Variants in SEC31A observed in about 807,000 individuals in gnomAD.
SEC31A encodes the protein SEC31 homolog A, COPII component, also known as protein transport protein Sec31A.
SEC31A carries 70 observed loss-of-function variants against 151.0 expected under a neutral mutation model. That is an observed-to-expected ratio of 0.46 (90% CI 0.38 to 0.57). The LOEUF is 0.57. Among genes scored for constraint, SEC31A ranks in the 20% least tolerant of loss-of-function variants. The probability of loss-of-function intolerance (pLI) is 0.00; values close to 1 mark genes in which losing one functional copy is unlikely to be tolerated. For missense variants in SEC31A, 1,330 were observed against 1,471.2 expected (o/e 0.90, Z 1.57); for synonymous variants, 475 against 505.9 (o/e 0.94, Z 0.82).
In SEC31A at chr4:82,839,332, G is replaced by A. The variant is rs1043178546; in HGVS notation, c.2968+2808C>T. 5.3e-5 allele frequency among the ~76,000 whole-genome samples: 8 copies of A among 152,296 alleles called. No individual in the cohort carries two copies. The East Asian group carries it at 5.8e-4, about 11-fold the overall frequency. On this transcript the variant is annotated intron_variant, in intron 22 of 26. Coordinates refer to ENST00000395310, the MANE Select transcript of SEC31A (RefSeq NM_001077207.4). ...CGCCTGGCTAATTTTTGTGTTTTTC[G>A]TAGAGACGGGGTTTCGCCATGTTGG...
At chr4:82,849,173 A>G (rs533385961) in intron 19 of SEC31A, among the ~76,000 whole-genome samples, 196 bp from the exon 20 acceptor site, 1 of 152,342 alleles carries the variant, frequency 6.6e-6, no homozygotes, top group African/African-American at 2.4e-5. Flanking sequence ...GGTCCATGAC[A>G]TACAGTGCAA....
In SEC31A at chr4:82,891,085, C is replaced by T. The variant is rs1378099436; in HGVS notation, c.-5+3G>A. On this transcript the variant is annotated splice_donor_region_variant and intron_variant, in intron 1 of 26. Transcript: ENST00000395310. ...GAGGACAAAAAGCAACGGGCGGACG[C>T]ACCTGGCGAGGACCTTCGGCAGCCG... 3 of 1,535,982 alleles carry T rather than the reference C, an allele frequency of 2.0e-6. No individual in the cohort carries two copies. The Admixed American group carries it at 5.9e-5, about 30-fold the overall frequency.
chr4:82,844,079 A>G, intron 21 of SEC31A: 1 of 358,102 alleles, frequency 2.8e-6, no homozygotes, highest in East Asian at 4.2e-5. Flanking sequence ...TATGTAAAAA[A>G]TAATTTCTAA....
Position 82,872,094 on chromosome 4 carries a change from T to G in SEC31A, c.640-8A>C, listed in dbSNP as rs561016403. On this transcript the variant is annotated splice_region_variant and splice_polypyrimidine_tract_variant and intron_variant, in intron 6 of 26. Coordinates refer to ENST00000395310, the MANE Select transcript of SEC31A (RefSeq NM_001077207.4). Reference sequence around the variant, plus strand: ...CAACCCAGAACAATGCATCTGAAGATAGTTAAGGTTCACATTTTATGAATC... The same window carrying G: ...CAACCCAGAACAATGCATCTGAAGAGAGTTAAGGTTCACATTTTATGAATC... 6 of 1,605,336 alleles carry G rather than the reference T, an allele frequency of 3.7e-6. No individual in the cohort carries two copies. The Admixed American group carries it at 8.3e-5, about 22-fold the overall frequency.
chr4:82,881,054 G>A (rs1380806540), intron 2 of SEC31A, 132 bp from the exon 3 acceptor site: 4 of 705,388 alleles, frequency 5.7e-6, no homozygotes, highest in African/African-American at 3.6e-5. Context: ...TTGAGCAGAT[G>A]CTTAAATTAC....
Position 82,886,561 on chromosome 4 carries a change from A to G in SEC31A, c.-5+4527T>C, listed in dbSNP as rs187620812. On this transcript the variant is annotated intron_variant, in intron 1 of 26. Transcript: ENST00000395310. ...GAAAACTTCAGGGTTATTTGGGGGG[A>G]AAAATTCCAACTTTCTAAGATATAA... Among the ~76,000 whole-genome samples the G allele has an allele frequency of 5.9e-5, 9 of 152,294 alleles. No individual in the cohort carries two copies. The East Asian group carries it at 7.7e-4, about 13-fold the overall frequency.
At chr4:82,861,761 G>T (rs1734168172) in intron 13 of SEC31A, 53 bp from the exon 14 acceptor site, 2 of 1,250,164 alleles carry the variant, frequency 1.6e-6, no homozygotes, top group South Asian at 1.3e-5. Context: ...GTATTAAAAG[G>T]CTATTAGTGA....
chr4:82,824,286 C>T (rs112003470), intron 25 of SEC31A, among the ~76,000 whole-genome samples: 2,363 of 152,238 alleles, frequency 0.016, 59 homozygotes, highest in African/African-American at 0.051. Context: ...TCATTGCAAC[C>T]TCTGCCTTCT....
chr4:82,837,157 T>TCATATATATATA (rs1727502613), intron 22 of SEC31A, among the ~76,000 whole-genome samples: 2 of 59,364 alleles, frequency 3.4e-5, no homozygotes, highest in South Asian at 5.8e-4. Context: ...ATAAATTTTA[T>TCATATATATATA]CATATATATA....
chr4:82,892,452 T>C (rs932571218), upstream of SEC31A, among the ~76,000 whole-genome samples: 1 of 152,264 alleles, frequency 6.6e-6, no homozygotes, highest in African/African-American at 2.4e-5. Flanking sequence ...TCAACCTATC[T>C]TTGCTTTGCT....
chr4:82,828,876 A>T, intron 23 of SEC31A, 124 bp downstream of exon 23: 1 of 666,962 alleles, frequency 1.5e-6, no homozygotes, highest in Middle Eastern at 3.0e-4. Flanking sequence ...GTTGAAATAC[A>T]CTTTAAATAC....
At chr4:82,875,227 T>C (rs1405482157) in intron 5 of SEC31A, among the ~76,000 whole-genome samples, 3 of 152,174 alleles carry the variant, frequency 2.0e-5, no homozygotes, top group South Asian at 2.1e-4. Context: ...GCTACTCAAG[T>C]TGGATAGCCT....
intron 23 of SEC31A, 127 bp from the exon 24 acceptor site, chr4:82,827,759 CT>C (rs982805937): frequency 4.6e-6 from 4 of 861,152 alleles, no homozygotes; most frequent in Non-Finnish European, 7.3e-6. Flanking sequence ...TAGTAGAATA[CT>C]TTTTTCAAAT....
chr4:82,862,144 C>A (rs970911795), intron 13 of SEC31A, among the ~76,000 whole-genome samples: 1 of 150,666 alleles, frequency 6.6e-6, no homozygotes, highest in African/African-American at 2.4e-5. Context: ...AACTCCTGAC[C>A]TCAGGTGATC....
intron 26 of SEC31A, among the ~76,000 whole-genome samples, 193 bp from the exon 27 acceptor site, chr4:82,819,446 T>C (rs1722843535): frequency 6.6e-6 from 1 of 152,186 alleles, no homozygotes; most frequent in Non-Finnish European, 1.5e-5. Flanking sequence ...AACAAAATGA[T>C]TTACATAAAT....
chr4:82,837,921 A>G (rs1245328262), intron 22 of SEC31A, among the ~76,000 whole-genome samples: 1 of 152,232 alleles, frequency 6.6e-6, no homozygotes, highest in Non-Finnish European at 1.5e-5. Flanking sequence ...CCAAAAGCAT[A>G]GAGAATTGTG....
chr4:82,883,042 C>T (rs1026862444), intron 1 of SEC31A, among the ~76,000 whole-genome samples: 2 of 152,162 alleles, frequency 1.3e-5, no homozygotes, highest in African/African-American at 4.8e-5. Flanking sequence ...ATCACTTGAA[C>T]CCAGGTGGTG....
At position 82,844,412 on chromosome 4, in the gene SEC31A, T is replaced by C. The variant is rs754531008; in HGVS notation, c.2600A>G (p.Gln867Arg). 1.4e-5 allele frequency: 22 copies of C among 1,614,074 alleles called. No homozygotes were observed. The highest frequency in any genetic ancestry group is 1.8e-5 in the Non-Finnish European group (21 of 1,180,024). ...CTGTGGCTGTGGATAAGGTGGTACCTGGGTGTGCATATGACCTGGAGATGT... is the reference window on the plus strand; with the variant it reads ...CTGTGGCTGTGGATAAGGTGGTACCCGGGTGTGCATATGACCTGGAGATGT... Reference protein sequence around the residue: ...LPTSPGHMHTQVPPYPQPQPY... With the variant: ...LPTSPGHMHTRVPPYPQPQPY... Residue 867 changes from glutamine (Q) to arginine (R), a missense_variant, in exon 21 of 27, where the codon CAG (glutamine) becomes CGG (arginine). Transcript: ENST00000395310.
At chr4:82,847,588 C>A (rs1005196650) in intron 20 of SEC31A, among the ~76,000 whole-genome samples, 1 of 152,120 alleles carries the variant, frequency 6.6e-6, no homozygotes, top group African/African-American at 2.4e-5. Flanking sequence ...CCAACTTGGC[C>A]GGTAACCAGC....
Sources: gnomAD v4.1 joint callset for allele counts (sites outside exome capture counted in the v4.1 genomes callset) on GRCh38, gnomAD v4.1.1 for gene constraint, MANE v1.5 for transcripts, NCBI Gene and HGNC (gene_info 2026-07-23, HGNC 2026-07-21) for gene names.